Variants in WDR27 observed in about 807,000 individuals in gnomAD.
WDR27 encodes the protein WD repeat domain 27.
WDR27 carries 100 observed loss-of-function variants against 114.4 expected under a neutral mutation model. That is an observed-to-expected ratio of 0.87 (90% CI 0.74 to 1.03). The LOEUF is 1.03. Among genes scored for constraint, WDR27 ranks in the 50% least tolerant of loss-of-function variants. WDR27 has a pLI of 0.00. For missense variants in WDR27, 1,129 were observed against 1,092.9 expected, an observed-to-expected ratio of 1.03 and a Z score of -0.47; for synonymous variants, 449 against 423.1, an observed-to-expected ratio of 1.06 and a Z score of -0.75.
intron 25 of WDR27, among the ~76,000 whole-genome samples, chr6:169,563,660 T>G (rs917419653): frequency 6.8e-6 from 1 of 147,394 alleles, no homozygotes; most frequent in Non-Finnish European, 1.5e-5. Context: ...TCAACATCAT[T>G]AAGATATAAG....
chr6:169,601,469 T>C (rs1031917659), intron 23 of WDR27, among the ~76,000 whole-genome samples: 1 of 152,230 alleles, frequency 6.6e-6, no homozygotes, highest in African/African-American at 2.4e-5. Flanking sequence ...AATTACTACA[T>C]TTTGTAAATG....
At position 169,693,563 on chromosome 6, in the gene WDR27, A is replaced by G. The variant is rs78830478; in HGVS notation, c.-7-4551T>C. ...TGGCAGAATGGATAAAAATACACCA[A>G]TCAAGTATCTGGTGTCTTCAAGAGA... On this transcript the variant is annotated intron_variant, in intron 1 of 25. Transcript: ENST00000448612. Among the ~76,000 whole-genome samples the G allele has an allele frequency of 4.8e-3, 732 of 152,344 alleles. 9 individuals are homozygous for G. Among genetic ancestry groups the G allele is most frequent in the African/African-American group, 0.017 (701 of 41,566 alleles).
intron 25 of WDR27, among the ~76,000 whole-genome samples, chr6:169,510,975 C>T (rs1012213852): frequency 6.6e-5 from 10 of 152,128 alleles, no homozygotes; most frequent in African/African-American, 2.2e-4. Context: ...TGACAACTAA[C>T]GTTTGAATCA....
At chr6:169,635,624 G>A (rs970297078) in intron 19 of WDR27, among the ~76,000 whole-genome samples, 1 of 152,250 alleles carries the variant, frequency 6.6e-6, no homozygotes, top group Non-Finnish European at 1.5e-5. Flanking sequence ...GCGATCGGAT[G>A]GAAGCCCAAC....
chr6:169,678,778 A>G (rs1780730008), intron 2 of WDR27, among the ~76,000 whole-genome samples: 1 of 152,182 alleles, frequency 6.6e-6, no homozygotes, highest in Non-Finnish European at 1.5e-5. Context: ...CTCAAAATAT[A>G]TTTCCTTGCC....
At position 169,686,679 on chromosome 6, in the gene WDR27, A is replaced by G. The variant is rs145228947; in HGVS notation, c.189+2138T>C. 3.6e-3 allele frequency among the ~76,000 whole-genome samples: 547 copies of G among 152,278 alleles called. 5 individuals carry two copies. The highest frequency in any genetic ancestry group is 0.014 in the Middle Eastern group (4 of 294). On this transcript the variant is annotated intron_variant, in intron 2 of 25. Coordinates refer to ENST00000448612, the MANE Select transcript of WDR27 (RefSeq NM_182552.5). ...CAAAGAGACAAGCAATACATTATAT[A>G]ATAATGCACTCCCATATTTATTGCA...
the WDR27 span, among the ~76,000 whole-genome samples, chr6:169,443,554 C>T: frequency 6.6e-6 from 1 of 152,200 alleles, no homozygotes; most frequent in East Asian, 1.9e-4. Context: ...TGCTGACCAA[C>T]AGGAAGTCCA....
At chr6:169,459,010 A>C (rs531579038) in intron 25 of WDR27, among the ~76,000 whole-genome samples, 1 of 152,308 alleles carries the variant, frequency 6.6e-6, no homozygotes, top group South Asian at 2.1e-4. Flanking sequence ...CAGAATTATC[A>C]CAATACTAGA....
intron 25 of WDR27, among the ~76,000 whole-genome samples, chr6:169,537,034 G>T (rs1314511676): frequency 6.6e-6 from 1 of 152,148 alleles, no homozygotes; most frequent in African/African-American, 2.4e-5. Flanking sequence ...ATAGATAAGG[G>T]CTCTTTTCAT....
At chr6:169,551,756 GAA>G (rs1004859519) in intron 25 of WDR27, among the ~76,000 whole-genome samples, 5 of 42,014 alleles carry the variant, frequency 1.2e-4, no homozygotes, top group South Asian at 1.7e-3. Context: ...AAAAAAAAAA[GAA>G]AAAGAAAAGA....
At chr6:169,636,265 T>A (rs1224794817) in intron 19 of WDR27, 106 bp downstream of exon 19, 3 of 1,340,104 alleles carry the variant, frequency 2.2e-6, no homozygotes, top group Admixed American at 2.6e-5. Flanking sequence ...ATGAGGTCAT[T>A]ATTAAATTTG....
At chr6:169,502,965 C>A (rs1791531438) in intron 25 of WDR27, among the ~76,000 whole-genome samples, 1 of 152,166 alleles carries the variant, frequency 6.6e-6, no homozygotes, top group Non-Finnish European at 1.5e-5. Context: ...CATGAAAGTA[C>A]TGGCAGCTAA....
chr6:169,584,723 C>CA (rs1804221262), intron 23 of WDR27, among the ~76,000 whole-genome samples: 1 of 152,126 alleles, frequency 6.6e-6, no homozygotes, highest in Non-Finnish European at 1.5e-5. Context: ...AATGTCTATC[C>CA]AGGTCCTTTA....
intron 25 of WDR27, among the ~76,000 whole-genome samples, chr6:169,489,897 T>C (rs1789516404): frequency 6.6e-6 from 1 of 152,224 alleles, no homozygotes; most frequent in Non-Finnish European, 1.5e-5. Flanking sequence ...TGTGGTAGTC[T>C]TTCTGGCTTC....
chr6:169,619,170 C>T (rs769361434), intron 21 of WDR27, among the ~76,000 whole-genome samples: 7 of 152,160 alleles, frequency 4.6e-5, no homozygotes, highest in Non-Finnish European at 7.4e-5. Context: ...AAGCAGTTTC[C>T]TAAAGCAAAG....
chr6:169,653,404 A>G (rs1823142890), intron 13 of WDR27, among the ~76,000 whole-genome samples: 1 of 152,254 alleles, frequency 6.6e-6, no homozygotes, highest in South Asian at 2.1e-4. Flanking sequence ...AAAAATGGTT[A>G]AAATGGCAAG....
At position 169,665,637 on chromosome 6, in the gene WDR27, T is replaced by G. The variant is rs1827645830; in HGVS notation, c.713-81A>C. On this transcript the variant is annotated intron_variant, in intron 6 of 25. Coordinates refer to ENST00000448612, the MANE Select transcript of WDR27 (RefSeq NM_182552.5). Reference sequence around the variant, plus strand: ...CCGAGAACTGTCAGTTTTACTTATCTCTTTACACGTAATATTTACTTACAG... The same window carrying G: ...CCGAGAACTGTCAGTTTTACTTATCGCTTTACACGTAATATTTACTTACAG... 1.5e-5 allele frequency: 19 copies of G among 1,256,154 alleles called. No individual in the cohort carries two copies. In the South Asian group the frequency reaches 2.4e-4, roughly 16 times the overall value. The allele number at this position is 1,256,154 out of a possible 1,614,324, so 77.8% of individuals were successfully genotyped here. A position where few individuals can be genotyped will look rare whatever the true frequency, so the allele number is the denominator to read the frequency against.
At position 169,573,093 on chromosome 6, in the gene WDR27, C is replaced by T. The variant is rs996475953; in HGVS notation, c.2524-553G>A. ...CCCTTCCCAGGAGGTTGTGTTGCAG[C>T]CCGAGCCTCCCGGGGTGCACCTGGG... is the stretch of plus-strand genomic sequence containing the variant. On this transcript the variant is annotated intron_variant, in intron 24 of 25. Coordinates refer to ENST00000448612, the MANE Select transcript of WDR27 (RefSeq NM_182552.5). Among the ~76,000 whole-genome samples the T allele has an allele frequency of 1.1e-4, 16 of 152,264 alleles. No individual in the cohort carries two copies. In the South Asian group the frequency reaches 1.2e-3, roughly 12 times the overall value.
intron 25 of WDR27, among the ~76,000 whole-genome samples, chr6:169,460,232 G>T (rs1291168179): frequency 6.6e-6 from 1 of 152,042 alleles, no homozygotes; most frequent in Non-Finnish European, 1.5e-5. Flanking sequence ...GCATTTAAAA[G>T]AATCACTACT....
Sources: allele counts gnomAD v4.1 joint callset (sites outside exome capture counted in the v4.1 genomes callset), GRCh38; gene constraint gnomAD v4.1.1; transcripts MANE v1.5; gene names NCBI Gene and HGNC (gene_info 2026-07-23, HGNC 2026-07-21).